The following LYST variants were observed in gnomAD, a reference collection of about 807,000 sequenced individuals.
LYST encodes lysosomal trafficking regulator.
LYST carries 192 observed loss-of-function variants against 413.6 expected under a neutral mutation model. The observed-to-expected ratio is 0.46, with a 90% CI of 0.41 to 0.52. The LOEUF (loss-of-function observed/expected upper bound fraction) is 0.52. Among genes scored for constraint, LYST ranks in the 20% least tolerant of loss-of-function variants. LYST has a pLI of 0.00. For missense variants in LYST, 3,815 were observed against 4,499.9 expected (o/e 0.85, Z 4.35); for synonymous variants, 1,525 against 1,567.3 (o/e 0.97, Z 0.64).
Position 235,793,632 on chromosome 1 carries a change from A to G in LYST, c.4007-20T>C. The G allele has an allele frequency of 7.6e-7, 1 of 1,324,494 alleles. No homozygotes were observed. Among genetic ancestry groups the G allele is most frequent in the Non-Finnish European group, 1.1e-6 (1 of 917,642 alleles). The allele number at this position is 1,324,494 out of a possible 1,614,324, so 82.0% of individuals were successfully genotyped here. A position where few individuals can be genotyped will look rare whatever the true frequency, so the allele number is the denominator to read the frequency against. On this transcript the variant is annotated intron_variant, in intron 10 of 52. Coordinates refer to ENST00000389793, the MANE Select transcript of LYST (RefSeq NM_000081.4). ...GGCATGCTAAATTAAAGAAAGAGGG[A>G]AAAAATTAAAGCTAGTACACAATTA...
chr1:235,734,276 C>T (rs1025881612), intron 32 of LYST, among the ~76,000 whole-genome samples: 1 of 152,000 alleles, frequency 6.6e-6, no homozygotes, highest in African/African-American at 2.4e-5. Flanking sequence ...ATAATGGATA[C>T]TGATGACCAC....
At chr1:235,756,049 CTATATCTA>C (rs1179063982) in intron 24 of LYST, among the ~76,000 whole-genome samples, 3 of 133,910 alleles carry the variant, frequency 2.2e-5, no homozygotes, top group African/African-American at 8.2e-5. Context: ...ATATCTATAT[CTATATCTA>C]TATCTGTATC....
intron 28 of LYST, 70 bp downstream of exon 28, chr1:235,751,140 T>C: frequency 1.5e-6 from 2 of 1,377,796 alleles, no homozygotes; most frequent in Non-Finnish European, 2.1e-6. Context: ...AAAGTGTGAA[T>C]GGCATAAGAA....
chr1:235,828,921 T>G (rs1675629838), intron 3 of LYST: 2 of 910,010 alleles, frequency 2.2e-6, no homozygotes, highest in Non-Finnish European at 2.6e-6. Flanking sequence ...ATACATAAAC[T>G]TGGCTGGGTG....
intron 22 of LYST, among the ~76,000 whole-genome samples, chr1:235,762,010 T>G: frequency 6.7e-6 from 1 of 148,314 alleles, no homozygotes; most frequent in Non-Finnish European, 1.5e-5. Context: ...CATTAGGAGA[T>G]ATGCCTAATG....
chr1:235,835,951 T>C (rs981312970), intron 1 of LYST, among the ~76,000 whole-genome samples: 2 of 152,202 alleles, frequency 1.3e-5, no homozygotes, highest in Admixed American at 6.5e-5. Context: ...ACAACAATTG[T>C]TATAATGTCA....
intron 17 of LYST, among the ~76,000 whole-genome samples, chr1:235,775,677 A>T (rs1669164035): frequency 6.6e-6 from 1 of 152,124 alleles, no homozygotes; most frequent in Non-Finnish European, 1.5e-5. Context: ...AAGGCTACAC[A>T]GAGAGAAGAT....
rs565226170 is a variant in LYST, at chr1:235,824,151, A to T, written c.192+6075T>A. Among the ~76,000 whole-genome samples, 9 of 152,386 alleles carry T rather than the reference A, an allele frequency of 5.9e-5. 1 individual carries two copies. The highest frequency in any genetic ancestry group is 2.2e-4 in the African/African-American group (9 of 41,602). On this transcript the variant is annotated intron_variant, in intron 3 of 52. Coordinates refer to ENST00000389793, the MANE Select transcript of LYST (RefSeq NM_000081.4). ...ACATAGAAAATAGCCAAAGATTTTT[A>T]AAAACCTATTATAATGTTTGAATTA...
At chr1:235,883,190 A>G (rs951629479) in exon 1 of LYST, 1 of 152,014 alleles carries the variant, frequency 6.6e-6, no homozygotes, top group African/African-American at 2.4e-5. Context: ...AACCTACCTG[A>G]ACGGTGATTG....
intron 48 of LYST, among the ~76,000 whole-genome samples, chr1:235,682,610 G>A (rs1036017082): frequency 1.4e-4 from 22 of 152,196 alleles, no homozygotes; most frequent in Admixed American, 1.2e-3. Context: ...TTATGCTTAG[G>A]GCCAACAGTT....
intron 45 of LYST, 23 bp from the exon 46 acceptor site, chr1:235,697,295 G>C: frequency 6.3e-7 from 1 of 1,583,292 alleles, no homozygotes; most frequent in Non-Finnish European, 8.7e-7. Context: ...AAAATAAAAA[G>C]TATGGCTTTT....
chr1:235,728,779 T>C (rs912956572), intron 37 of LYST, among the ~76,000 whole-genome samples: 4 of 152,224 alleles, frequency 2.6e-5, no homozygotes, highest in African/African-American at 9.6e-5. Flanking sequence ...AGAAGGGTAC[T>C]ATCTCCATCC....
chr1:235,831,874 A>G (rs758829299), intron 2 of LYST, among the ~76,000 whole-genome samples: 3 of 152,190 alleles, frequency 2.0e-5, no homozygotes, highest in African/African-American at 7.2e-5. Flanking sequence ...CAACTTTAAT[A>G]TATTTCATTG....
chr1:235,811,409 A>C (rs990897167), intron 4 of LYST, among the ~76,000 whole-genome samples: 1 of 152,204 alleles, frequency 6.6e-6, no homozygotes, highest in Non-Finnish European at 1.5e-5. Flanking sequence ...ATCATACACT[A>C]TATGCCAAAT....
chr1:235,785,633 G>T lies in LYST; in HGVS notation c.4862+1567C>A, dbSNP rs1173096894. Reference sequence around the variant, plus strand: ...AAGTATGCAGTATTATATTCCCTTTGATTAAATCTAGACTTCTCAGCTTGG... The same window carrying T: ...AAGTATGCAGTATTATATTCCCTTTTATTAAATCTAGACTTCTCAGCTTGG... On this transcript the variant is annotated intron_variant, in intron 14 of 52. Coordinates refer to ENST00000389793, the MANE Select transcript of LYST (RefSeq NM_000081.4). Among the ~76,000 whole-genome samples the T allele has an allele frequency of 2.6e-5, 4 of 152,158 alleles. No homozygotes were observed. The South Asian group carries it at 8.3e-4, about 31-fold the overall frequency.
At chr1:235,717,710 T>C (rs896497753) in intron 40 of LYST, among the ~76,000 whole-genome samples, 2 of 151,974 alleles carry the variant, frequency 1.3e-5, no homozygotes, top group Non-Finnish European at 2.9e-5. Flanking sequence ...GATACATCTT[T>C]TTTTTTTTAA....
At chr1:235,798,264 T>C (rs1671774764) in intron 10 of LYST, among the ~76,000 whole-genome samples, 1 of 151,982 alleles carries the variant, frequency 6.6e-6, no homozygotes, top group Non-Finnish European at 1.5e-5. Context: ...AAAAAGGACA[T>C]TAAGTAAAAA....
At position 235,775,072 on chromosome 1, in the gene LYST, A is replaced by G; in HGVS notation, c.5475T>C (p.Ser1825=). The G allele has an allele frequency of 1.2e-6, 2 of 1,611,040 alleles. No individual in the cohort carries two copies. The highest frequency in any genetic ancestry group is 1.7e-6 in the Non-Finnish European group (2 of 1,179,462). Reference sequence around the variant, plus strand: ...CTAATGCTTGAGTTTCTTCACAGCTACTGAGTTCAACAACCTAAAAAAAAA... The same window carrying G: ...CTAATGCTTGAGTTTCTTCACAGCTGCTGAGTTCAACAACCTAAAAAAAAA... The part of the protein sequence containing the change: ...VFLFARVVEL[S]SCEETQALAL... The change falls in exon 18 of 53, where the codon AGT becomes AGC. Residue 1825 remains serine (S), a synonymous_variant. Coordinates refer to ENST00000389793, the MANE Select transcript of LYST (RefSeq NM_000081.4).
chr1:235,688,984 AAATAAT>A (rs35849101), intron 47 of LYST, among the ~76,000 whole-genome samples: 1,383 of 135,914 alleles, frequency 0.01, 11 homozygotes, highest in Middle Eastern at 0.049. Context: ...ACTCCGTCTC[AAATAAT>A]AATAATAATA....
Sources: allele counts gnomAD v4.1 joint callset (sites outside exome capture counted in the v4.1 genomes callset), GRCh38; gene constraint gnomAD v4.1.1; transcripts MANE v1.5; gene names NCBI Gene and HGNC (gene_info 2026-07-23, HGNC 2026-07-21).